Variants in GPR35 observed in about 807,000 individuals in gnomAD.
The protein encoded by GPR35 is KYNA receptor.
For missense variants in GPR35, 372 were observed against 422.5 expected, an observed-to-expected ratio of 0.88 and a Z score of 1.05; for synonymous variants, 207 against 198.4, an observed-to-expected ratio of 1.04 and a Z score of -0.36.
chr2:240,625,415 GC>G (rs941056838), upstream of GPR35: 3 of 985,216 alleles, frequency 3.0e-6, no homozygotes, highest in African/African-American at 3.5e-5. Flanking sequence ...TCAGCCGCCC[GC>G]CCCCCCACCT....
At chr2:240,625,272 T>C, upstream of GPR35, 3 of 985,502 alleles carry the variant, frequency 3.0e-6, no homozygotes, top group African/African-American at 3.5e-5. Flanking sequence ...TCAGCAAGGA[T>C]GCTGGCTCTT....
At chr2:240,624,587 C>G (rs770783666), upstream of GPR35, among the ~76,000 whole-genome samples, 2 of 152,198 alleles carry the variant, frequency 1.3e-5, no homozygotes, top group African/African-American at 4.8e-5. Flanking sequence ...CCGTTTCCAC[C>G]GCTGTAAAGT....
chr2:240,608,475 A>G (rs1188580782), intron 2 of GPR35, among the ~76,000 whole-genome samples: 10 of 152,294 alleles, frequency 6.6e-5, no homozygotes, highest in Non-Finnish European at 2.9e-5. Flanking sequence ...TCTATTATTC[A>G]TGGATGTTGC....
In GPR35 at chr2:240,631,726, G is replaced by C. The variant is rs2125491278; in HGVS notation, c.*844G>C. 6.6e-6 allele frequency among the ~76,000 whole-genome samples: 1 copy of C among 152,296 alleles called. No homozygotes were observed. Among genetic ancestry groups the C allele is most frequent in the Admixed American group, 6.5e-5 (1 of 15,304 alleles). On this transcript the variant is annotated 3_prime_UTR_variant, in exon 2 of 2. Coordinates refer to ENST00000407714, the MANE Select transcript of GPR35 (RefSeq NM_005301.5). ...AAGGCACGATGTCCTGCTGGTTTCT[G>C]CCTCTCCTGTACTCCTGCATGGAGG...
At chr2:240,621,177 C>T (rs906375095), upstream of GPR35, among the ~76,000 whole-genome samples, 41 of 152,332 alleles carry the variant, frequency 2.7e-4, no homozygotes, top group African/African-American at 7.2e-4. Flanking sequence ...GCACTGGCCT[C>T]GGGGGCACAG....
upstream of GPR35, among the ~76,000 whole-genome samples, chr2:240,621,945 T>C (rs1481571376): frequency 6.6e-6 from 1 of 152,192 alleles, no homozygotes; most frequent in African/African-American, 2.4e-5. Context: ...CGATCTCAGC[T>C]CATTGCAATC....
chr2:240,607,526 A>C (rs2043147420), intron 2 of GPR35: 1 of 152,174 alleles, frequency 6.6e-6, no homozygotes, highest in Non-Finnish European at 1.5e-5. Context: ...AATTTCTCCC[A>C]GCAATATTTT....
intron 4 of GPR35, chr2:240,618,774 A>T (rs1484355690): frequency 2.1e-6 from 1 of 477,526 alleles, no homozygotes; most frequent in African/African-American, 2.0e-5. Context: ...GGCTCCATCT[A>T]AAAACACATC....
rs567487254 is a variant in GPR35 at position 240,632,878 on chromosome 2, A to G, written c.*1996A>G. Among the ~76,000 whole-genome samples the G allele has an allele frequency of 1.8e-4, 27 of 152,360 alleles. No individual in the cohort carries two copies. Among genetic ancestry groups the G allele is most frequent in the African/African-American group, 6.5e-4 (27 of 41,582 alleles). ...CCACCCAAATCTCATCTTGAATTGTAATCCCTATAATAACCATAGTCCCCA... is the reference window on the plus strand; with the variant it reads ...CCACCCAAATCTCATCTTGAATTGTGATCCCTATAATAACCATAGTCCCCA... On this transcript the variant is annotated 3_prime_UTR_variant, in exon 2 of 2. Coordinates refer to ENST00000407714, the MANE Select transcript of GPR35 (RefSeq NM_005301.5).
At chr2:240,627,086 AC>A (rs1486010293) in intron 1 of GPR35, among the ~76,000 whole-genome samples, 1 of 152,182 alleles carries the variant, frequency 6.6e-6, no homozygotes, top group Non-Finnish European at 1.5e-5. Flanking sequence ...CCCCATCCCC[AC>A]GGTCCCCGGC....
In GPR35 at chr2:240,631,319, A is replaced by G. The variant is rs2953156; in HGVS notation, c.*437A>G. 0.74 allele frequency: 152,002 copies of G among 204,272 alleles called. 57,701 individuals are homozygous for G. Among genetic ancestry groups the G allele is most frequent in the East Asian group, 0.99 (7,290 of 7,340 alleles). 12.7% of individuals were successfully genotyped at this position (204,272 alleles called of 1,614,324 possible). A position where few individuals can be genotyped will look rare whatever the true frequency, so the allele number is the denominator to read the frequency against. On this transcript the variant is annotated 3_prime_UTR_variant, in exon 2 of 2. Transcript: ENST00000407714. ...GAGGCAGGGAGGGAGCGCGTGGCTC[A>G]GAGGGCTGGCGGACATCTTCCAGGG...
At chr2:240,624,587 C>T (rs770783666), upstream of GPR35, among the ~76,000 whole-genome samples, 18 of 152,198 alleles carry the variant, frequency 1.2e-4, no homozygotes, top group Non-Finnish European at 1.8e-4. Context: ...CCGTTTCCAC[C>T]GCTGTAAAGT....
upstream of GPR35, among the ~76,000 whole-genome samples, chr2:240,623,424 C>CAAACAGGTCATGAGGGT (rs2043328111): frequency 2.2e-5 from 1 of 45,306 alleles, no homozygotes; most frequent in Non-Finnish European, 5.3e-5. Flanking sequence ...ATCGTGAGGG[C>CAAACAGGTCATGAGGGT]GCAAACAGGT....
chr2:240,605,661 G>T (rs1004230211), intron 1 of GPR35: 1 of 152,412 alleles, frequency 6.6e-6, no homozygotes, highest in Non-Finnish European at 1.5e-5. Context: ...GGATGCGGCC[G>T]GCCAGGCTGG....
At chr2:240,612,299 C>A (rs563013234) in intron 2 of GPR35, among the ~76,000 whole-genome samples, 1 of 150,902 alleles carries the variant, frequency 6.6e-6, no homozygotes, top group African/African-American at 2.4e-5. Context: ...TGGTGGCGGG[C>A]GCCTGTAGTC....
At chr2:240,615,332 G>A (rs571287368) in intron 2 of GPR35, among the ~76,000 whole-genome samples, 23 of 152,244 alleles carry the variant, frequency 1.5e-4, no homozygotes, top group Admixed American at 1.4e-3. Context: ...TGTTTCCCCT[G>A]CCTGTGATGC....
At chr2:240,619,206 CCTGA>C (rs1208629594) in intron 5 of GPR35, among the ~76,000 whole-genome samples, 2 of 152,154 alleles carry the variant, frequency 1.3e-5, no homozygotes, top group African/African-American at 2.4e-5. Context: ...TGGATTTTGA[CCTGA>C]CTAATGGAGG....
chr2:240,624,692 C>T (rs954948528), upstream of GPR35, among the ~76,000 whole-genome samples: 3 of 152,026 alleles, frequency 2.0e-5, no homozygotes, highest in Non-Finnish European at 4.4e-5. Flanking sequence ...GTTGAGGAGA[C>T]GAGGCTCCTG....
intron 2 of GPR35, among the ~76,000 whole-genome samples, chr2:240,611,367 A>G (rs1351233406): frequency 1.3e-5 from 2 of 151,834 alleles, no homozygotes; most frequent in Non-Finnish European, 2.9e-5. Flanking sequence ...TTTGTTTCCT[A>G]TTCATCTCCT....
Sources: gnomAD v4.1 joint callset for allele counts (sites outside exome capture counted in the v4.1 genomes callset) on GRCh38, gnomAD v4.1.1 for gene constraint, MANE v1.5 for transcripts, NCBI Gene and HGNC (gene_info 2026-07-23, HGNC 2026-07-21) for gene names.